The following RPTOR variants were observed in gnomAD, a reference collection of about 807,000 sequenced individuals.
The protein encoded by RPTOR is regulatory-associated protein of mTOR.
A neutral mutation model predicts 169.9 loss-of-function variants in RPTOR; 21 were observed. The observed-to-expected ratio is 0.12, with a 90% CI of 0.09 to 0.18. RPTOR has a LOEUF of 0.18. RPTOR is among the 10% of genes least tolerant of loss of function. RPTOR has a pLI of 1.00. For missense variants in RPTOR, 1,133 were observed against 1,855.9 expected (o/e 0.61, Z 7.16); for synonymous variants, 732 against 753.2 (o/e 0.97, Z 0.46).
At chr17:80,574,086 G>C (rs906816709) in intron 1 of RPTOR, among the ~76,000 whole-genome samples, 9 of 151,804 alleles carry the variant, frequency 5.9e-5, no homozygotes, top group Non-Finnish European at 1.0e-4. Context: ...CATGTAATCC[G>C]AAAGTGTTGT....
Position 80,963,814 on chromosome 17 carries a change from G to GCTGTGCGGCCGAGTCCTCACCCCGTCCC in RPTOR, c.3940-426_3940-425insCGTCCCCTGTGCGGCCGAGTCCTCACCC, listed in dbSNP as rs1555642460. ...CCCCTCTGCGGCCCTCACCCCGTCC[G>GCTGTGCGGCCGAGTCCTCACCCCGTCCC]CTGTGCGGCCGAGTCCTCACCCTGT... On this transcript the variant is annotated intron_variant, in intron 33 of 33. Transcript: ENST00000306801. Among the ~76,000 whole-genome samples the GCTGTGCGGCCGAGTCCTCACCCCGTCCC allele has an allele frequency of 4.1e-4, 35 of 85,284 alleles. 2 individuals are homozygous for GCTGTGCGGCCGAGTCCTCACCCCGTCCC. Among genetic ancestry groups the GCTGTGCGGCCGAGTCCTCACCCCGTCCC allele is most frequent in the African/African-American group, 9.0e-4 (19 of 21,058 alleles). The allele number at this position is 85,284 out of a possible 152,430, so 55.9% of individuals were successfully genotyped here.
At chr17:80,899,456 T>C (rs1438305014) in intron 20 of RPTOR, among the ~76,000 whole-genome samples, 4 of 152,272 alleles carry the variant, frequency 2.6e-5, no homozygotes, top group Non-Finnish European at 5.9e-5. Flanking sequence ...TATTCTGTTT[T>C]GATTACACAT....
In RPTOR at chr17:80,743,867, T is replaced by G. The variant is rs71368081; in HGVS notation, c.655-10143T>G. On this transcript the variant is annotated intron_variant, in intron 5 of 33. Coordinates refer to ENST00000306801, the MANE Select transcript of RPTOR (RefSeq NM_020761.3). ...TGGTTACTAGCAGAGCCCTGGCTACTAGCACAGCCCTGGCTACTAGCACTG... is the reference window on the plus strand; with the variant it reads ...TGGTTACTAGCAGAGCCCTGGCTACGAGCACAGCCCTGGCTACTAGCACTG... Among the ~76,000 whole-genome samples the G allele has an allele frequency of 3.9e-3, 419 of 106,494 alleles. 28 individuals are homozygous for G. Among genetic ancestry groups the G allele is most frequent in the African/African-American group, 0.018 (363 of 20,434 alleles). The allele number at this position is 106,494 out of a possible 152,430, so 69.9% of individuals were successfully genotyped here. A position where few individuals can be genotyped will look rare whatever the true frequency, so the allele number is the denominator to read the frequency against.
chr17:80,837,786 C>T (rs1017786816), intron 9 of RPTOR, 136 bp from the exon 10 acceptor site: 9 of 776,732 alleles, frequency 1.2e-5, no homozygotes, highest in Non-Finnish European at 2.0e-5. Flanking sequence ...CGTAAACATG[C>T]CCCCCACCAG....
chr17:80,920,105 G>T (rs2068727075), intron 21 of RPTOR, among the ~76,000 whole-genome samples: 1 of 152,192 alleles, frequency 6.6e-6, no homozygotes, highest in South Asian at 2.1e-4. Flanking sequence ...CAGCAGAAAG[G>T]ACTCTCCCTG....
chr17:80,710,257 A>G (rs2066176754), intron 4 of RPTOR, among the ~76,000 whole-genome samples: 1 of 151,822 alleles, frequency 6.6e-6, no homozygotes, highest in Non-Finnish European at 1.5e-5. Flanking sequence ...AGCCTCCCAA[A>G]GTGCTGGGAT....
chr17:80,946,518 C>T (rs1474126545), intron 26 of RPTOR, among the ~76,000 whole-genome samples: 1 of 152,250 alleles, frequency 6.6e-6, no homozygotes. Context: ...CAGTGTTTCA[C>T]TTTCTGTCTC....
chr17:80,938,766 G>A (rs1376691861), intron 24 of RPTOR, among the ~76,000 whole-genome samples: 1 of 152,180 alleles, frequency 6.6e-6, no homozygotes, highest in East Asian at 1.9e-4. Flanking sequence ...GCTAGGAACT[G>A]AGCCACAGCC....
At chr17:80,899,402 A>G (rs2068447217) in intron 20 of RPTOR, among the ~76,000 whole-genome samples, 1 of 152,120 alleles carries the variant, frequency 6.6e-6, no homozygotes, top group South Asian at 2.1e-4. Context: ...GAAAAAAGGT[A>G]TTTAAAAATT....
chr17:80,681,564 T>TTCTCACACCTTCATGAGGTGTACG lies in RPTOR; in HGVS notation c.349-26273_349-26272insACACCTTCATGAGGTGTACGTCTC, dbSNP rs1567854268. ...TGTGTGTGTGGTTCAACATTTCTAG[T>TTCTCACACCTTCATGAGGTGTACG]TCTCTTACACCTTCATGAGGTGTAC... is the stretch of plus-strand genomic sequence containing the variant. On this transcript the variant is annotated intron_variant, in intron 3 of 33. Transcript: ENST00000306801. Among the ~76,000 whole-genome samples the TTCTCACACCTTCATGAGGTGTACG allele has an allele frequency of 1.1e-4, 17 of 148,012 alleles. 1 individual carries two copies. The highest frequency in any genetic ancestry group is 4.0e-4 in the African/African-American group (16 of 39,946).
chr17:80,889,798 C>T (rs1212858689), intron 17 of RPTOR, among the ~76,000 whole-genome samples: 1 of 151,196 alleles, frequency 6.6e-6, no homozygotes, highest in South Asian at 2.1e-4. Context: ...GCAGGATGTG[C>T]GGCCTCCAAG....
rs374816012 is a variant in RPTOR at position 80,965,963 on chromosome 17, C to T, written c.*1633C>T. 16 of 233,328 alleles carry T rather than the reference C, an allele frequency of 6.9e-5. No homozygotes were observed. The highest frequency in any genetic ancestry group is 3.6e-4 in the South Asian group (2 of 5,532). 14.5% of individuals were successfully genotyped at this position (233,328 alleles called of 1,614,324 possible). A position where few individuals can be genotyped will look rare whatever the true frequency, so the allele number is the denominator to read the frequency against. ...CACTCAGCTCACAGGGCGTGCCAGG[C>T]GGCAACACCAGAATCTTCCAGAAGC... On this transcript the variant is annotated 3_prime_UTR_variant, in exon 34 of 34. Transcript: ENST00000306801.
At chr17:80,717,911 G>A (rs1290917180) in intron 4 of RPTOR, among the ~76,000 whole-genome samples, 1 of 152,192 alleles carries the variant, frequency 6.6e-6, no homozygotes, top group Non-Finnish European at 1.5e-5. Flanking sequence ...AAGAATTCAC[G>A]TAGCGGAACG....
intron 20 of RPTOR, among the ~76,000 whole-genome samples, chr17:80,896,339 G>A (rs1163743807): frequency 3.3e-5 from 5 of 151,708 alleles, no homozygotes; most frequent in Admixed American, 6.6e-5. Flanking sequence ...TCCCATCCAC[G>A]GCCGCGCCGA....
intron 9 of RPTOR, among the ~76,000 whole-genome samples, chr17:80,832,953 TG>T (rs1277579438): frequency 3.5e-4 from 54 of 152,350 alleles, no homozygotes; most frequent in African/African-American, 1.3e-3. Flanking sequence ...ATTTACACTT[TG>T]CTTCAGGCCG....
intron 2 of RPTOR, among the ~76,000 whole-genome samples, chr17:80,634,370 CTGTGTGTGTG>C (rs1567830727): frequency 1.6e-4 from 11 of 70,934 alleles, no homozygotes; most frequent in African/African-American, 6.0e-4. Context: ...TGTGTGCATA[CTGTGTGTGTG>C]CATACTGTGT....
intron 10 of RPTOR, among the ~76,000 whole-genome samples, chr17:80,841,194 C>A (rs1178308665): frequency 6.8e-5 from 8 of 117,354 alleles, no homozygotes; most frequent in Admixed American, 7.9e-5. Flanking sequence ...TCACACTCAC[C>A]GCACGGCAGC....
rs2069010873 is a variant in RPTOR at position 80,940,477 on chromosome 17, G to A, written c.2920-19G>A. ...CTGTTTCATCGCTGGGCTTAACTGG[G>A]TGTTTTCTGTTGTTGAAGATCCCAG... On this transcript the variant is annotated intron_variant, in intron 24 of 33. Transcript: ENST00000306801. The A allele has an allele frequency of 1.9e-6, 3 of 1,605,846 alleles. No individual in the cohort carries two copies. In the African/African-American group the frequency reaches 4.0e-5, roughly 21 times the overall value.
At chr17:80,962,101 G>A (rs574124965) in intron 31 of RPTOR, among the ~76,000 whole-genome samples, 2 of 152,284 alleles carry the variant, frequency 1.3e-5, no homozygotes, top group Admixed American at 6.5e-5. Flanking sequence ...TCTGTCTCCC[G>A]GGACTGCAGG....
Sources: allele counts gnomAD v4.1 joint callset (sites outside exome capture counted in the v4.1 genomes callset), GRCh38; gene constraint gnomAD v4.1.1; transcripts MANE v1.5; gene names NCBI Gene and HGNC (gene_info 2026-07-23, HGNC 2026-07-21).